Variants in MSRA observed in about 807,000 individuals in gnomAD.
MSRA encodes the protein methionine sulfoxide reductase A, also known as mitochondrial peptide methionine sulfoxide reductase.
In MSRA, 54 loss-of-function variants were observed where a neutral mutation model predicts 31.3. The ratio of observed to expected loss-of-function variants is 1.73; its 90% CI spans 1.39 to 2.17. The LOEUF (loss-of-function observed/expected upper bound fraction) is 2.17. MSRA is among the 30% of genes most tolerant of loss of function. The probability of loss-of-function intolerance (pLI) is 0.00; values close to 1 mark genes in which losing one functional copy is unlikely to be tolerated. For synonymous variants in MSRA, 169 were observed against 116.5 expected (o/e 1.45, Z -2.90); for missense variants, 507 against 300.9 (o/e 1.69, Z -5.07).
intron 1 of MSRA, among the ~76,000 whole-genome samples, chr8:10,198,139 T>C (rs549274864): frequency 2.0e-5 from 3 of 152,312 alleles, no homozygotes; most frequent in African/African-American, 4.8e-5. Context: ...TGATAATTTA[T>C]TGATTAGCAA....
At chr8:10,254,605 GC>G (rs1419970113) in intron 3 of MSRA, among the ~76,000 whole-genome samples, 1 of 152,162 alleles carries the variant, frequency 6.6e-6, no homozygotes, top group Non-Finnish European at 1.5e-5. Flanking sequence ...CATCAGTGCT[GC>G]CCCTTACACA....
intron 5 of MSRA, among the ~76,000 whole-genome samples, chr8:10,333,611 G>C (rs1802836825): frequency 6.6e-6 from 1 of 152,190 alleles, no homozygotes; most frequent in Non-Finnish European, 1.5e-5. Flanking sequence ...TTCTTAGGCA[G>C]TTATAAGGAT....
intron 5 of MSRA, among the ~76,000 whole-genome samples, chr8:10,367,592 G>A (rs1389661917): frequency 6.6e-6 from 1 of 152,176 alleles, no homozygotes; most frequent in Non-Finnish European, 1.5e-5. Context: ...CAGTTTATTA[G>A]CAATGGCCCT....
At chr8:10,384,172 G>A (rs1321880389) in intron 5 of MSRA, among the ~76,000 whole-genome samples, 3 of 152,176 alleles carry the variant, frequency 2.0e-5, no homozygotes, top group African/African-American at 7.2e-5. Flanking sequence ...TTGCCACCTG[G>A]ACAACTATGC....
At chr8:10,403,827 C>T (rs996868125) in intron 5 of MSRA, among the ~76,000 whole-genome samples, 1 of 152,238 alleles carries the variant, frequency 6.6e-6, no homozygotes, top group African/African-American at 2.4e-5. Context: ...CCGTGTGTCC[C>T]TGCTGAGTTG....
At chr8:10,282,176 C>A (rs763132024) in intron 3 of MSRA, among the ~76,000 whole-genome samples, 1 of 152,144 alleles carries the variant, frequency 6.6e-6, no homozygotes, top group Non-Finnish European at 1.5e-5. Flanking sequence ...CAAAAGCCAA[C>A]AAGTTTTATA....
intron 5 of MSRA, among the ~76,000 whole-genome samples, chr8:10,415,851 A>C (rs1808426552): frequency 6.6e-6 from 1 of 151,890 alleles, no homozygotes; most frequent in African/African-American, 2.4e-5. Flanking sequence ...TTCCCAGTTC[A>C]GTGCCCACCT....
At chr8:10,068,887 C>G (rs950214563) in intron 1 of MSRA, among the ~76,000 whole-genome samples, 1 of 152,186 alleles carries the variant, frequency 6.6e-6, no homozygotes, top group Admixed American at 6.5e-5. Flanking sequence ...GAACTGACAT[C>G]TTGAAAATAT....
At chr8:10,391,433 T>C (rs779079096) in intron 5 of MSRA, among the ~76,000 whole-genome samples, 2 of 152,204 alleles carry the variant, frequency 1.3e-5, no homozygotes, top group Non-Finnish European at 2.9e-5. Context: ...TGTCTGGGAC[T>C]TAGCAAGCTG....
Position 10,218,724 on chromosome 8 carries a change from T to C in MSRA, c.211+10823T>C, listed in dbSNP as rs188563196. On this transcript the variant is annotated intron_variant, in intron 2 of 5. Transcript: ENST00000317173. ...GTGTATTCCCAAGTGTCAGTGTATA[T>C]ATGGATAGTTGTTTAAGTCAAAAGC... 9.2e-5 allele frequency among the ~76,000 whole-genome samples: 14 copies of C among 152,358 alleles called. No individual in the cohort carries two copies. The East Asian group carries it at 2.7e-3, about 29-fold the overall frequency.
At chr8:10,331,546 C>A (rs546314452) in intron 5 of MSRA, among the ~76,000 whole-genome samples, 1 of 152,200 alleles carries the variant, frequency 6.6e-6, no homozygotes, top group African/African-American at 2.4e-5. Context: ...CCAACATGAC[C>A]CCCATAGTAA....
At chr8:10,277,820 A>G (rs1282182728) in intron 3 of MSRA, among the ~76,000 whole-genome samples, 2 of 141,088 alleles carry the variant, frequency 1.4e-5, no homozygotes, top group African/African-American at 5.3e-5. Context: ...AGCTTGATTT[A>G]GCCCTTCAAC....
chr8:10,151,369 C>A (rs375433753), intron 1 of MSRA, among the ~76,000 whole-genome samples: 2 of 151,602 alleles, frequency 1.3e-5, no homozygotes, highest in African/African-American at 4.9e-5. Context: ...GCAGGCCGGG[C>A]GTGGTGGCTC....
At chr8:10,217,409 G>A (rs1395598466) in intron 2 of MSRA, among the ~76,000 whole-genome samples, 1 of 152,168 alleles carries the variant, frequency 6.6e-6, no homozygotes, top group Non-Finnish European at 1.5e-5. Flanking sequence ...TGCTGGCTCT[G>A]GTTTAACCCA....
At position 10,164,986 on chromosome 8, in the gene MSRA, C is replaced by A. The variant is rs184954402; in HGVS notation, c.143-42847C>A. Among the ~76,000 whole-genome samples the A allele has an allele frequency of 7.7e-4, 118 of 152,286 alleles. 1 individual carries two copies. The highest frequency in any genetic ancestry group is 1.2e-3 in the Non-Finnish European group (81 of 68,018). On this transcript the variant is annotated intron_variant, in intron 1 of 5. Coordinates refer to ENST00000317173, the MANE Select transcript of MSRA (RefSeq NM_012331.5). ...GAGGTTGCAGTGAGCCACGATCATGCCACTGCACTCCACCCTGGGCGACAG... is the reference window on the plus strand; with the variant it reads ...GAGGTTGCAGTGAGCCACGATCATGACACTGCACTCCACCCTGGGCGACAG...
chr8:10,376,161 G>A (rs1293065244), intron 5 of MSRA, among the ~76,000 whole-genome samples: 1 of 152,144 alleles, frequency 6.6e-6, no homozygotes, highest in Non-Finnish European at 1.5e-5. Context: ...CTTAGGAGAT[G>A]GATAATGCAT....
At chr8:10,135,378 C>G (rs1340042143) in intron 1 of MSRA, among the ~76,000 whole-genome samples, 2 of 152,176 alleles carry the variant, frequency 1.3e-5, no homozygotes, top group Admixed American at 6.5e-5. Flanking sequence ...TTTGCCAGTT[C>G]CATTCTACCT....
chr8:10,417,869 A>C (rs909431742), intron 5 of MSRA, among the ~76,000 whole-genome samples: 2 of 151,834 alleles, frequency 1.3e-5, no homozygotes, highest in Non-Finnish European at 2.9e-5. Context: ...GTCTCCGTGC[A>C]GAAGGGGGAA....
chr8:10,273,635 ACTT>A (rs1799161509), intron 3 of MSRA, among the ~76,000 whole-genome samples: 1 of 152,046 alleles, frequency 6.6e-6, no homozygotes. Context: ...CCACCATCTC[ACTT>A]CTTCTCATTC....
Sources: gnomAD v4.1 joint callset for allele counts (sites outside exome capture counted in the v4.1 genomes callset) on GRCh38, gnomAD v4.1.1 for gene constraint, MANE v1.5 for transcripts, NCBI Gene and HGNC (gene_info 2026-07-23, HGNC 2026-07-21) for gene names.